The following ABHD12 variants were observed in gnomAD, a reference collection of about 807,000 sequenced individuals.
ABHD12 encodes the protein abhydrolase domain containing 12, lysophospholipase.
Under a neutral mutation model 58.3 loss-of-function variants are expected in ABHD12, and 43 were observed. The observed-to-expected ratio is 0.74, with a 90% CI of 0.58 to 0.95. The LOEUF is 0.95. Ranked by LOEUF, ABHD12 falls within the 40% of genes least tolerant of loss-of-function variation. The pLI is 0.00. For missense variants in ABHD12, 539 were observed against 537.2 expected (o/e 1.00, Z -0.03); for synonymous variants, 219 against 211.2 (o/e 1.04, Z -0.32).
At chr20:25,298,690 C>CCCACT (rs2088589219), downstream of ABHD12, among the ~76,000 whole-genome samples, 1 of 152,246 alleles carries the variant, frequency 6.6e-6, no homozygotes, top group African/African-American at 2.4e-5. Flanking sequence ...ACTTTTGTCT[C>CCCACT]CCACTCCTGG....
chr20:25,390,567 G>A lies in ABHD12; in HGVS notation c.137C>T (p.Ala46Val), dbSNP rs1007058021. 1.4e-6 allele frequency: 2 copies of A among 1,467,932 alleles called. No individual in the cohort carries two copies. The highest frequency in any genetic ancestry group is 1.8e-6 in the Non-Finnish European group (2 of 1,115,470). 90.9% of individuals were successfully genotyped at this position (1,467,932 alleles called of 1,614,324 possible). Reference protein sequence around the residue: ...LKQNLRLTGPAAAEPRCAADA... With the variant: ...LKQNLRLTGPVAAEPRCAADA... Reference sequence around the variant, plus strand: ...GGCTGCGCAGCGCGGCTCAGCCGCCGCCGGGCCCGTCAGGCGTAGGTTCTG... The same window carrying A: ...GGCTGCGCAGCGCGGCTCAGCCGCCACCGGGCCCGTCAGGCGTAGGTTCTG... The change falls in exon 1 of 13, where the codon GCG (alanine) becomes GTG (valine). Residue 46 changes from alanine (A) to valine (V), a missense_variant. Ala to Val is a moderately conservative substitution (Grantham distance 64, BLOSUM62 0). Coordinates refer to ENST00000339157, the MANE Select transcript of ABHD12 (RefSeq NM_001042472.3).
At chr20:25,332,204 A>G (rs1438029582) in intron 2 of ABHD12, among the ~76,000 whole-genome samples, 5 of 151,894 alleles carry the variant, frequency 3.3e-5, no homozygotes, top group Non-Finnish European at 2.9e-5. Flanking sequence ...CAAAAGAGAC[A>G]AAGAAGGCCA....
intron 2 of ABHD12, among the ~76,000 whole-genome samples, chr20:25,328,532 G>T (rs981597189): frequency 2.0e-5 from 3 of 152,202 alleles, no homozygotes; most frequent in African/African-American, 7.2e-5. Flanking sequence ...TCCGCTTCAG[G>T]CCTCACTCAG....
chr20:25,362,971 C>G (rs1469569368), intron 1 of ABHD12, among the ~76,000 whole-genome samples: 1 of 151,868 alleles, frequency 6.6e-6, no homozygotes, highest in African/African-American at 2.4e-5. Context: ...CTGTGCCCAG[C>G]CTTTTACTTG....
chr20:25,300,801 GGGA>G lies in ABHD12; in HGVS notation c.*41_*43del, dbSNP rs758154750. 6 of 1,613,740 alleles carry G rather than the reference GGGA, an allele frequency of 3.7e-6. No individual in the cohort carries two copies. The highest frequency in any genetic ancestry group is 2.2e-5 in the South Asian group (2 of 91,062). On this transcript the variant is annotated 3_prime_UTR_variant, in exon 13 of 13. Coordinates refer to ENST00000339157, the MANE Select transcript of ABHD12 (RefSeq NM_001042472.3). ...ACCGGGCTGCTGACTGGAGGAAAAC[GGGA>G]GGAGGGCAGAGGTCTTCATGCTTCC...
At position 25,371,793 on chromosome 20, in the gene ABHD12, G is replaced by A. The variant is rs187541349; in HGVS notation, c.191+18720C>T. 1.2e-3 allele frequency among the ~76,000 whole-genome samples: 181 copies of A among 152,290 alleles called. 1 individual carries two copies. Among genetic ancestry groups the A allele is most frequent in the African/African-American group, 4.2e-3 (173 of 41,554 alleles). Reference sequence around the variant, plus strand: ...CGAACTCCTTGGACTCAAGTGACCTGCCTGCCCCAGTCTCCCAAACTGCTG... The same window carrying A: ...CGAACTCCTTGGACTCAAGTGACCTACCTGCCCCAGTCTCCCAAACTGCTG... On this transcript the variant is annotated intron_variant, in intron 1 of 12. Coordinates refer to ENST00000339157, the MANE Select transcript of ABHD12 (RefSeq NM_001042472.3).
chr20:25,343,203 C>T (rs2089477465), intron 1 of ABHD12, among the ~76,000 whole-genome samples: 1 of 152,184 alleles, frequency 6.6e-6, no homozygotes, highest in Admixed American at 6.5e-5. Flanking sequence ...TAAATACATT[C>T]AATCAATAAT....
At chr20:25,295,214 TG>T (rs2088521697), downstream of ABHD12, among the ~76,000 whole-genome samples, 1 of 152,236 alleles carries the variant, frequency 6.6e-6, no homozygotes, top group Admixed American at 6.5e-5. Flanking sequence ...AGACGGCAAA[TG>T]GAGATGCCGT....
intron 1 of ABHD12, among the ~76,000 whole-genome samples, chr20:25,342,103 CAAAAA>C (rs11476197): frequency 2.1e-3 from 148 of 69,780 alleles, no homozygotes; most frequent in African/African-American, 7.7e-3. Context: ...AACTCTGTCT[CAAAAA>C]AAAAAAAAAA....
At chr20:25,330,276 C>A (rs1336454234) in intron 2 of ABHD12, among the ~76,000 whole-genome samples, 2 of 152,268 alleles carry the variant, frequency 1.3e-5, no homozygotes, top group Non-Finnish European at 2.9e-5. Context: ...AACGGCACAA[C>A]AGGAGATTAT....
In ABHD12 at chr20:25,339,055, C is replaced by A. The variant is rs1170650145; in HGVS notation, c.316+172G>T. 2.9e-6 allele frequency: 4 copies of A among 1,395,260 alleles called. No individual in the cohort carries two copies. In the African/African-American group the frequency reaches 5.8e-5, roughly 20 times the overall value. 86.4% of individuals were successfully genotyped at this position (1,395,260 alleles called of 1,614,324 possible). On this transcript the variant is annotated intron_variant, in intron 2 of 12. Transcript: ENST00000339157. Reference sequence around the variant, plus strand: ...GTTCTCAATCTGGGTGGTAGCTCTACCTATCTATCTCTAAAGATATAGGTA... The same window carrying A: ...GTTCTCAATCTGGGTGGTAGCTCTAACTATCTATCTCTAAAGATATAGGTA...
intron 1 of ABHD12, among the ~76,000 whole-genome samples, chr20:25,346,798 A>T (rs2089525136): frequency 6.6e-6 from 1 of 152,036 alleles, no homozygotes; most frequent in Non-Finnish European, 1.5e-5. Context: ...GGCGCCTGCC[A>T]CCAAGCCCAG....
intron 1 of ABHD12, among the ~76,000 whole-genome samples, chr20:25,360,681 A>C (rs2482938): frequency 6.6e-6 from 1 of 151,950 alleles, no homozygotes; most frequent in East Asian, 1.9e-4. Context: ...CCAATACCAC[A>C]TTAGAAGCTG....
At chr20:25,369,542 G>A (rs944607643) in intron 1 of ABHD12, among the ~76,000 whole-genome samples, 3 of 152,034 alleles carry the variant, frequency 2.0e-5, no homozygotes, top group African/African-American at 7.2e-5. Flanking sequence ...AGGAGCAGAG[G>A]GCACGAAGGA....
chr20:25,337,040 T>C (rs895707977), intron 2 of ABHD12, among the ~76,000 whole-genome samples: 4 of 152,120 alleles, frequency 2.6e-5, no homozygotes, highest in Admixed American at 6.5e-5. Flanking sequence ...GGCAGGAGGA[T>C]TGTTTGAGCC....
intron 1 of ABHD12, among the ~76,000 whole-genome samples, chr20:25,387,838 C>T (rs1008991348): frequency 8.6e-5 from 13 of 151,066 alleles, no homozygotes; most frequent in African/African-American, 3.2e-4. Context: ...GTCACGAGTT[C>T]GAGACCAGCC....
At chr20:25,356,878 G>A (rs1033926884) in intron 1 of ABHD12, among the ~76,000 whole-genome samples, 3 of 152,146 alleles carry the variant, frequency 2.0e-5, no homozygotes, top group African/African-American at 7.2e-5. Flanking sequence ...GCACGCACCT[G>A]TAATCCCAGC....
intron 1 of ABHD12, among the ~76,000 whole-genome samples, chr20:25,355,956 A>G (rs752627541): frequency 6.6e-6 from 1 of 152,200 alleles, no homozygotes; most frequent in Non-Finnish European, 1.5e-5. Context: ...GCATGCTTTG[A>G]GCTGTGAAAC....
intron 1 of ABHD12, among the ~76,000 whole-genome samples, chr20:25,376,125 AAATAAT>A (rs374119522): frequency 2.0e-5 from 3 of 151,858 alleles, no homozygotes; most frequent in Admixed American, 6.6e-5. Flanking sequence ...CTGTCTCAAA[AAATAAT>A]AATAATAATA....
Sources: allele counts gnomAD v4.1 joint callset (sites outside exome capture counted in the v4.1 genomes callset), GRCh38; gene constraint gnomAD v4.1.1; transcripts MANE v1.5; gene names NCBI Gene and HGNC (gene_info 2026-07-23, HGNC 2026-07-21).